The following ADAMTS12 variants were observed in gnomAD, a reference collection of about 807,000 sequenced individuals.
ADAMTS12 encodes ADAM metallopeptidase with thrombospondin type 1 motif 12, also known as A disintegrin and metalloproteinase with thrombospondin motifs 12.
Under a neutral mutation model 167.8 loss-of-function variants are expected in ADAMTS12, and 118 were observed. That is an observed-to-expected ratio of 0.70 (90% CI 0.61 to 0.82). ADAMTS12 has a LOEUF of 0.82. Ranked by LOEUF, ADAMTS12 falls within the 40% of genes least tolerant of loss-of-function variation. ADAMTS12 has a pLI of 0.00. For missense variants in ADAMTS12, 1,916 were observed against 1,998.8 expected, an observed-to-expected ratio of 0.96 and a Z score of 0.79; for synonymous variants, 704 against 716.9, an observed-to-expected ratio of 0.98 and a Z score of 0.29.
intron 3 of ADAMTS12, among the ~76,000 whole-genome samples, chr5:33,713,437 A>T (rs1373496505): frequency 6.6e-6 from 1 of 152,134 alleles, no homozygotes; most frequent in African/African-American, 2.4e-5. Flanking sequence ...AAAAATACAT[A>T]TTTAAAAGCT....
At chr5:33,878,279 CTTTTT>C (rs59487114) in intron 2 of ADAMTS12, among the ~76,000 whole-genome samples, 1 of 149,010 alleles carries the variant, frequency 6.7e-6, no homozygotes, top group African/African-American at 2.4e-5. Context: ...CTTTGGGTGC[CTTTTT>C]TTTTTTATAA....
At chr5:33,636,999 C>A (rs776462835) in intron 12 of ADAMTS12, among the ~76,000 whole-genome samples, 3 of 152,138 alleles carry the variant, frequency 2.0e-5, no homozygotes, top group Non-Finnish European at 4.4e-5. Context: ...ATGTTGACTT[C>A]TGTTGCAGAG....
Position 33,576,136 on chromosome 5 carries a change from C to A in ADAMTS12, c.3890G>T (p.Gly1297Val). The A allele has an allele frequency of 1.2e-6, 2 of 1,614,162 alleles. No individual in the cohort carries two copies. The highest frequency in any genetic ancestry group is 4.5e-5 in the East Asian group (2 of 44,884). The change falls in exon 19 of 24, where the codon GGC (glycine) becomes GTC (valine). Residue 1297 changes from glycine (G) to valine (V), a missense_variant. Transcript: ENST00000504830. ...GTAATTGGAGGCATTTAGCAAAAAG[C>A]CCTCAGTAATCAGACTTGTTGCATC... ...EEDATSLITE[G>V]FLLNASNYKQ... is the part of the protein sequence containing the mutation.
intron 2 of ADAMTS12, among the ~76,000 whole-genome samples, chr5:33,773,945 C>T (rs113064775): frequency 0.012 from 1,880 of 152,224 alleles, 41 homozygotes; most frequent in African/African-American, 0.044. Context: ...TGCAAAAGTA[C>T]GTACACACAC....
chr5:33,648,745 C>A, intron 9 of ADAMTS12, 77 bp downstream of exon 9: 1 of 1,555,384 alleles, frequency 6.4e-7, no homozygotes, highest in Non-Finnish European at 8.8e-7. Flanking sequence ...CAGTTATTTC[C>A]AAATATTGTC....
intron 2 of ADAMTS12, among the ~76,000 whole-genome samples, chr5:33,848,072 C>G (rs1331780442): frequency 6.6e-6 from 1 of 151,978 alleles, no homozygotes; most frequent in East Asian, 1.9e-4. Context: ...AAAAAAGGAG[C>G]AGGGCATTGT....
chr5:33,806,173 T>C (rs890489970), intron 2 of ADAMTS12, among the ~76,000 whole-genome samples: 1 of 152,238 alleles, frequency 6.6e-6, no homozygotes, highest in Non-Finnish European at 1.5e-5. Flanking sequence ...CATATGTACC[T>C]TGAAGGAATG....
chr5:33,808,516 TAC>T (rs1363821861), intron 2 of ADAMTS12, among the ~76,000 whole-genome samples: 2 of 152,248 alleles, frequency 1.3e-5, no homozygotes, highest in Non-Finnish European at 2.9e-5. Flanking sequence ...TAAAATTGTG[TAC>T]AGTTAGAACC....
intron 5 of ADAMTS12, among the ~76,000 whole-genome samples, chr5:33,682,167 C>T (rs1232944463): frequency 1.3e-5 from 2 of 152,176 alleles, no homozygotes; most frequent in African/African-American, 4.8e-5. Context: ...GACCACAGTG[C>T]TCCTTGCTAT....
chr5:33,595,760 C>T (rs1455650579), intron 17 of ADAMTS12, among the ~76,000 whole-genome samples, 174 bp downstream of exon 17: 1 of 152,224 alleles, frequency 6.6e-6, no homozygotes, highest in Non-Finnish European at 1.5e-5. Context: ...AATATGTCCT[C>T]ACAGCTTGCC....
rs186392423 is a variant in ADAMTS12, at chr5:33,862,892, T to C, written c.489+18227A>G. Reference sequence around the variant, plus strand: ...TGGGATGCAAGGCTGGTTTAACATATGCAATCAATAAATATAATCCATCAC... The same window carrying C: ...TGGGATGCAAGGCTGGTTTAACATACGCAATCAATAAATATAATCCATCAC... On this transcript the variant is annotated intron_variant, in intron 2 of 23. Coordinates refer to ENST00000504830, the MANE Select transcript of ADAMTS12 (RefSeq NM_030955.4). Among the ~76,000 whole-genome samples, 59 of 151,972 alleles carry C rather than the reference T, an allele frequency of 3.9e-4. 1 individual carries two copies. The highest frequency in any genetic ancestry group is 2.4e-3 in the Admixed American group (37 of 15,262).
chr5:33,866,781 T>C lies in ADAMTS12; in HGVS notation c.489+14338A>G, dbSNP rs376353476. On this transcript the variant is annotated intron_variant, in intron 2 of 23. Transcript: ENST00000504830. ...AGATAACCCCATCTAAAAGTGGGCA[T>C]ATGAAATGAACAGACATTACTCAAA... Among the ~76,000 whole-genome samples the C allele has an allele frequency of 2.0e-4, 30 of 151,960 alleles. No homozygotes were observed. In the South Asian group the frequency reaches 5.8e-3, roughly 29 times the overall value.
intron 2 of ADAMTS12, among the ~76,000 whole-genome samples, chr5:33,839,224 C>T (rs1748649493): frequency 6.6e-6 from 1 of 152,150 alleles, no homozygotes; most frequent in Admixed American, 6.5e-5. Context: ...TCATTGTCTA[C>T]AAATAGGAGA....
intron 7 of ADAMTS12, among the ~76,000 whole-genome samples, chr5:33,651,605 A>G (rs1288127929): frequency 6.6e-6 from 1 of 152,200 alleles, no homozygotes; most frequent in Non-Finnish European, 1.5e-5. Flanking sequence ...TTATACAACT[A>G]AAAAAGAAGT....
chr5:33,693,282 A>G (rs1164027711), intron 3 of ADAMTS12, among the ~76,000 whole-genome samples: 1 of 152,240 alleles, frequency 6.6e-6, no homozygotes, highest in African/African-American at 2.4e-5. Flanking sequence ...AATATATCAT[A>G]GAGACCTTGA....
At chr5:33,786,528 A>G (rs1579934712) in intron 2 of ADAMTS12, among the ~76,000 whole-genome samples, 1 of 151,878 alleles carries the variant, frequency 6.6e-6, no homozygotes. Flanking sequence ...GAAGAATACC[A>G]TCTATTATCA....
intron 1 of ADAMTS12, among the ~76,000 whole-genome samples, chr5:33,888,489 T>C (rs1345202306): frequency 6.6e-6 from 1 of 152,256 alleles, no homozygotes; most frequent in Non-Finnish European, 1.5e-5. Context: ...GTGAACTCTC[T>C]TTTTACATTA....
At chr5:33,846,222 T>C (rs527773100) in intron 2 of ADAMTS12, among the ~76,000 whole-genome samples, 3 of 151,536 alleles carry the variant, frequency 2.0e-5, no homozygotes, top group East Asian at 3.9e-4. Context: ...AGAGGAATTA[T>C]TCTAGACTGA....
chr5:33,731,189 TC>T (rs1046116857), intron 3 of ADAMTS12, among the ~76,000 whole-genome samples: 3 of 147,836 alleles, frequency 2.0e-5, no homozygotes, highest in African/African-American at 7.3e-5. Flanking sequence ...ATCTTTCTTT[TC>T]TTTTTTTTTT....
Sources: allele counts gnomAD v4.1 joint callset (sites outside exome capture counted in the v4.1 genomes callset), GRCh38; gene constraint gnomAD v4.1.1; transcripts MANE v1.5; gene names NCBI Gene and HGNC (gene_info 2026-07-23, HGNC 2026-07-21).